The following ZNF304 variants were observed in gnomAD, a reference collection of about 807,000 sequenced individuals.
ZNF304 encodes zinc finger protein 304.
Under a neutral mutation model 7.8 loss-of-function variants are expected in ZNF304, and 7 were observed. The observed-to-expected ratio is 0.90, with a 90% CI of 0.51 to 1.69. ZNF304 has a LOEUF of 1.69. ZNF304 is among the 40% of genes most tolerant of loss of function. ZNF304 has a pLI of 0.00. For synonymous variants in ZNF304, 280 were observed against 272.4 expected (o/e 1.03, Z -0.27); for missense variants, 669 against 804.8 (o/e 0.83, Z 2.04).
rs1344020214 is a variant in ZNF304 at position 57,358,472 on chromosome 19, C to T, written c.*623C>T. 6.5e-6 allele frequency: 1 copy of T among 152,884 alleles called. No homozygotes were observed. The highest frequency in any genetic ancestry group is 1.5e-5 in the Non-Finnish European group (1 of 68,664). The allele number at this position is 152,884 out of a possible 1,614,324, so 9.5% of individuals were successfully genotyped here. On this transcript the variant is annotated 3_prime_UTR_variant, in exon 3 of 3. Coordinates refer to ENST00000282286, the MANE Select transcript of ZNF304 (RefSeq NM_020657.4). The stretch of plus-strand genomic sequence containing the variant: ...TTGGAACTGCTTGTCCCATGCTGCT[C>T]TGATTTATACAGTGATAAGGGCCTA...
chr19:57,351,722 C>T lies in ZNF304; in HGVS notation c.33+25C>T, dbSNP rs1297546988. On this transcript the variant is annotated intron_variant, in intron 1 of 2. Coordinates refer to ENST00000282286, the MANE Select transcript of ZNF304 (RefSeq NM_020657.4). The surrounding 1 kb of genome is among the most constrained non-coding windows in gnomAD (Gnocchi z 4.1). The stretch of plus-strand genomic sequence containing the variant: ...GGTGAGTGGGGGCATCCCTCAAGCG[C>T]ACCCCGGCCTGGTTGGTGTGTCCTG... The T allele has an allele frequency of 6.2e-7, 1 of 1,605,832 alleles. No individual in the cohort carries two copies. The highest frequency in any genetic ancestry group is 1.7e-5 in the Admixed American group (1 of 59,260).
rs2088393485 is a variant in ZNF304 at position 57,359,425 on chromosome 19, G to A, written c.*1576G>A. ...GAACAGTATATATAGATTTTAATGA[G>A]GAACATTTATTTAATAGCTTTATGG... On this transcript the variant is annotated 3_prime_UTR_variant, in exon 3 of 3. Coordinates refer to ENST00000282286, the MANE Select transcript of ZNF304 (RefSeq NM_020657.4). 4 of 152,150 alleles carry A rather than the reference G, an allele frequency of 2.6e-5. No homozygotes were observed. In the South Asian group the frequency reaches 8.3e-4, roughly 32 times the overall value. 9.4% of individuals were successfully genotyped at this position (152,150 alleles called of 1,614,324 possible). A position where few individuals can be genotyped will look rare whatever the true frequency, so the allele number is the denominator to read the frequency against.
Position 57,351,908 on chromosome 19 carries a change from T to G in ZNF304, c.33+211T>G. On this transcript the variant is annotated intron_variant, in intron 1 of 2. Transcript: ENST00000282286. The surrounding 1 kb of genome is among the most constrained non-coding windows in gnomAD (Gnocchi z 4.1). ...TGGAGAGGAGAATGAGTTTGGGGAG[T>G]TCCGGGAACTCTCTGTGCCTGGTGA... The G allele has an allele frequency of 1.8e-6, 1 of 546,084 alleles. No individual in the cohort carries two copies. The highest frequency in any genetic ancestry group is 3.2e-6 in the Non-Finnish European group (1 of 315,688). 33.8% of individuals were successfully genotyped at this position (546,084 alleles called of 1,614,324 possible).
At position 57,358,264 on chromosome 19, in the gene ZNF304, A is replaced by G. The variant is rs768567899; in HGVS notation, c.*415A>G. On this transcript the variant is annotated 3_prime_UTR_variant, in exon 3 of 3. Transcript: ENST00000282286. ...CCCCCCCCCCACTTCACCCCCTACC[A>G]TTGAGGGTCCTCATCTTTTCCCTCA... 1 of 103,490 alleles carries G rather than the reference A, an allele frequency of 9.7e-6. No individual in the cohort carries two copies. The highest frequency in any genetic ancestry group is 4.3e-5 in the African/African-American group (1 of 23,422). The allele number at this position is 103,490 out of a possible 1,614,324, so 6.4% of individuals were successfully genotyped here.
chr19:57,352,818 G>A (rs910940418), intron 1 of ZNF304: 11 of 152,182 alleles, frequency 7.2e-5, no homozygotes, highest in African/African-American at 2.7e-4. Context: ...GAGGAGAGTC[G>A]TGGATGACCC....
At position 57,356,387 on chromosome 19, in the gene ZNF304, G is replaced by C; in HGVS notation, c.518G>C (p.Gly173Ala). Residue 173 changes from glycine to alanine, a missense_variant, in exon 3 of 3, where the codon GGG (glycine) becomes GCG (alanine). Transcript: ENST00000282286. ...LGRSFTCREE[G>A]MDLPDSSGLF... ...AGATCCTTTACGTGCAGGGAGGAAG[G>C]GATGGACTTACCAGATAGCTCTGGC... The C allele has an allele frequency of 6.2e-7, 1 of 1,614,186 alleles. No homozygotes were observed. The highest frequency in any genetic ancestry group is 8.5e-7 in the Non-Finnish European group (1 of 1,180,036).
rs751210221 is a variant in ZNF304 at position 57,357,614 on chromosome 19, C to T, written c.1745C>T (p.Thr582Ile). The change falls in exon 3 of 3, where the codon ACT (threonine) becomes ATT (isoleucine). Residue 582 changes from threonine to isoleucine, a missense_variant. Physicochemically the swap from Thr to Ile is moderately conservative, Grantham distance 89 (BLOSUM62 -1). Coordinates refer to ENST00000282286, the MANE Select transcript of ZNF304 (RefSeq NM_020657.4). Reference sequence around the variant, plus strand: ...CTTGTTCAACACAAGAAAGTTCACACTGGAGCAAGACCTTATGAGTGCAGT... The same window carrying T: ...CTTGTTCAACACAAGAAAGTTCACATTGGAGCAAGACCTTATGAGTGCAGT... The part of the protein sequence containing the change: ...SHLVQHKKVH[T>I]GARPYECSEC... 1.5e-5 allele frequency: 24 copies of T among 1,614,098 alleles called. No individual in the cohort carries two copies. Among genetic ancestry groups the T allele is most frequent in the Non-Finnish European group, 1.9e-5 (22 of 1,180,042 alleles).
Position 57,356,265 on chromosome 19 carries a change from T to C in ZNF304, c.396T>C (p.Phe132=). ...CRRRFSFSAN[F]YQHQKQHNGE... Reference sequence around the variant, plus strand: ...GAAGATTCTCGTTCAGTGCAAACTTTTACCAGCACCAGAAGCAACATAATG... The same window carrying C: ...GAAGATTCTCGTTCAGTGCAAACTTCTACCAGCACCAGAAGCAACATAATG... Residue 132 remains phenylalanine (F), a synonymous_variant, in exon 3 of 3, where the codon TTT becomes TTC. Transcript: ENST00000282286. 4.3e-6 allele frequency: 7 copies of C among 1,614,232 alleles called. No homozygotes were observed. The highest frequency in any genetic ancestry group is 5.1e-6 in the Non-Finnish European group (6 of 1,180,046).
In ZNF304 at chr19:57,358,710, T is replaced by G. The variant is rs542815189; in HGVS notation, c.*861T>G. 1.3e-5 allele frequency: 2 copies of G among 152,366 alleles called. No individual in the cohort carries two copies. The highest frequency in any genetic ancestry group is 2.1e-4 in the South Asian group (1 of 4,828). The allele number at this position is 152,366 out of a possible 1,614,324, so 9.4% of individuals were successfully genotyped here. A position where few individuals can be genotyped will look rare whatever the true frequency, so the allele number is the denominator to read the frequency against. On this transcript the variant is annotated 3_prime_UTR_variant, in exon 3 of 3. Transcript: ENST00000282286. Reference sequence around the variant, plus strand: ...TTGCTAGGAAAGACTGAAAAAATTTTTGTGCCTAACTTTGTGGCCTGGCTG... The same window carrying G: ...TTGCTAGGAAAGACTGAAAAAATTTGTGTGCCTAACTTTGTGGCCTGGCTG...
intron 2 of ZNF304, chr19:57,355,194 A>AT: frequency 1.4e-6 from 1 of 732,248 alleles, no homozygotes; most frequent in Non-Finnish European, 2.5e-6. Flanking sequence ...CTTGGAGAGT[A>AT]TTTTTTCTAA....
intron 2 of ZNF304, 50 bp from the exon 3 acceptor site, chr19:57,355,980 G>A (rs753305203): frequency 9.6e-6 from 15 of 1,554,476 alleles, no homozygotes; most frequent in Middle Eastern, 3.8e-4. Flanking sequence ...TGGGGCTGCT[G>A]CCTCCCACCA....
chr19:57,352,749 G>C (rs1193501714), intron 1 of ZNF304: 1 of 152,396 alleles, frequency 6.6e-6, no homozygotes, highest in Non-Finnish European at 1.5e-5. Context: ...AGAGAAGTTG[G>C]TAAATTTTCT....
At chr19:57,354,027 T>C (rs2122978537) in intron 2 of ZNF304, among the ~76,000 whole-genome samples, 176 bp downstream of exon 2, 1 of 152,214 alleles carries the variant, frequency 6.6e-6, no homozygotes, top group Non-Finnish European at 1.5e-5. Flanking sequence ...TTTTTGTTTT[T>C]TCAGAGAGTC....
intron 1 of ZNF304, among the ~76,000 whole-genome samples, chr19:57,352,444 C>T (rs911014160): frequency 1.3e-5 from 2 of 152,174 alleles, no homozygotes; most frequent in Non-Finnish European, 2.9e-5. Context: ...GACCTAGGAA[C>T]AGGTACGCTC....
Position 57,351,376 on chromosome 19 carries a change from G to A in ZNF304, c.-289G>A. On this transcript the variant is annotated 5_prime_UTR_variant, in exon 1 of 3. In the 5' UTR this introduces an upstream ATG that the reference lacks. Coordinates refer to ENST00000282286, the MANE Select transcript of ZNF304 (RefSeq NM_020657.4). This position sits in a 1 kb window ranked among gnomAD's most constrained non-coding sequence, Gnocchi z 4.1. ...TCGTGGAACCTAGCAAAGAAAGACA[G>A]TGAAGACTGCAGGACCTTCCTTCGC... 2.1e-6 allele frequency: 1 copy of A among 483,384 alleles called. No individual in the cohort carries two copies. The highest frequency in any genetic ancestry group is 3.7e-6 in the Non-Finnish European group (1 of 271,220). The allele number at this position is 483,384 out of a possible 1,614,324, so 29.9% of individuals were successfully genotyped here.
chr19:57,351,660 T>C lies in ZNF304; in HGVS notation c.-5T>C, dbSNP rs202157260. 407 of 1,613,578 alleles carry C rather than the reference T, an allele frequency of 2.5e-4. 4 individuals are homozygous for C. The African/African-American group carries it at 4.7e-3, about 19-fold the overall frequency. On this transcript the variant is annotated 5_prime_UTR_variant, in exon 1 of 3. Transcript: ENST00000282286. The surrounding 1 kb of genome is among the most constrained non-coding windows in gnomAD (Gnocchi z 4.1). Reference sequence around the variant, plus strand: ...CACAGGGCACAGACTGTTCATCCGCTTCTCATGGCAGCGGCGGTGCTGATG... The same window carrying C: ...CACAGGGCACAGACTGTTCATCCGCCTCTCATGGCAGCGGCGGTGCTGATG...
rs1470293722 is a variant in ZNF304 at position 57,351,352 on chromosome 19, C to CGT, written c.-311_-310dup. On this transcript the variant is annotated 5_prime_UTR_variant, in exon 1 of 3. Transcript: ENST00000282286. The surrounding 1 kb of genome is among the most constrained non-coding windows in gnomAD (Gnocchi z 4.1). ...TCGGGTCGGCTTTCTACGCGGCTCTCGTGGAACCTAGCAAAGAAAGACAGT... is the reference window on the plus strand; with the variant it reads ...TCGGGTCGGCTTTCTACGCGGCTCTCGTGTGGAACCTAGCAAAGAAAGACAGT... 2.4e-6 allele frequency: 1 copy of CGT among 413,584 alleles called. No individual in the cohort carries two copies. The highest frequency in any genetic ancestry group is 4.6e-5 in the East Asian group (1 of 21,606). The allele number at this position is 413,584 out of a possible 1,614,324, so 25.6% of individuals were successfully genotyped here. A position where few individuals can be genotyped will look rare whatever the true frequency, so the allele number is the denominator to read the frequency against.
At chr19:57,354,701 A>C (rs2122980066) in intron 2 of ZNF304, among the ~76,000 whole-genome samples, 1 of 152,312 alleles carries the variant, frequency 6.6e-6, no homozygotes, top group African/African-American at 2.4e-5. Flanking sequence ...ACACAGGGGC[A>C]AGAGTACCAA....
rs1239903097 is a variant in ZNF304 at position 57,357,289 on chromosome 19, C to T, written c.1420C>T (p.Pro474Ser). ...QHQIIHTGAR[P>S]YECSECGKAF... ...CCAGATAATTCACACTGGAGCAAGG[C>T]CTTATGAGTGCAGTGAATGTGGGAA... The change falls in exon 3 of 3, where the codon CCT (proline) becomes TCT (serine). Residue 474 changes from proline (P) to serine (S), a missense_variant. Pro to Ser is a moderately conservative substitution (Grantham distance 74, BLOSUM62 -1). Coordinates refer to ENST00000282286, the MANE Select transcript of ZNF304 (RefSeq NM_020657.4). The T allele has an allele frequency of 1.2e-6, 2 of 1,614,110 alleles. No homozygotes were observed. The highest frequency in any genetic ancestry group is 1.7e-6 in the Non-Finnish European group (2 of 1,180,042).
Sources: gnomAD v4.1 joint callset for allele counts (sites outside exome capture counted in the v4.1 genomes callset) on GRCh38, gnomAD v4.1.1 for gene constraint, Gnocchi (gnomAD v3.1) non-coding constraint, MANE v1.5 for transcripts, NCBI Gene and HGNC (gene_info 2026-07-23, HGNC 2026-07-21) for gene names.